JADE3: variants seen among roughly 807,000 people sequenced by gnomAD.
JADE3 encodes the protein jade family PHD finger 3.
JADE3 carries 2 observed loss-of-function variants against 50.1 expected under a neutral mutation model. The observed-to-expected ratio is 0.04, with a 90% CI of 0.02 to 0.13. The LOEUF (loss-of-function observed/expected upper bound fraction) is 0.13, where lower values mean the gene tolerates loss of function less well. JADE3 is among the 10% of genes least tolerant of loss of function. JADE3 has a pLI of 1.00. For synonymous variants in JADE3, 218 were observed against 232.9 expected (o/e 0.94, Z 0.58); for missense variants, 475 against 634.4 (o/e 0.75, Z 2.70).
At chrX:47,022,484 C>T (rs1928817719) in intron 4 of JADE3, among the ~76,000 whole-genome samples, 1 of 111,684 alleles carries the variant, frequency 9.0e-6, no homozygotes. Flanking sequence ...TGGAAGAATG[C>T]TTATTAGGAG....
intron 1 of JADE3, among the ~76,000 whole-genome samples, chrX:46,918,289 G>T (rs1183238670): frequency 8.9e-6 from 1 of 111,912 alleles, no homozygotes; most frequent in African/African-American, 3.3e-5. Flanking sequence ...TGGAACTATC[G>T]AGTATAAGAC....
chrX:46,948,596 A>G (rs188302256), intron 1 of JADE3, among the ~76,000 whole-genome samples: 49 of 112,505 alleles, frequency 4.4e-4, no homozygotes, highest in Admixed American at 2.9e-3. Flanking sequence ...GGATAAAGAT[A>G]GTGTCAAAGA....
chrX:46,965,447 A>C (rs1465345121), intron 1 of JADE3, among the ~76,000 whole-genome samples: 2 of 111,612 alleles, frequency 1.8e-5, no homozygotes, highest in African/African-American at 6.5e-5. Context: ...ACCTGGTAGG[A>C]ACTCATTCTC....
intron 1 of JADE3, among the ~76,000 whole-genome samples, chrX:46,950,098 A>G (rs1010467526): frequency 9.8e-5 from 11 of 112,349 alleles, no homozygotes; most frequent in South Asian, 3.7e-4. Flanking sequence ...AAGTTTACAT[A>G]CTGTATAGTT....
intron 1 of JADE3, among the ~76,000 whole-genome samples, chrX:46,923,858 G>A (rs1386663097): frequency 9.0e-6 from 1 of 111,667 alleles, no homozygotes; most frequent in Non-Finnish European, 1.9e-5. Context: ...CATGGAGCTG[G>A]TTTGCCAGGT....
At chrX:46,981,377 A>G (rs1254666027) in intron 1 of JADE3, among the ~76,000 whole-genome samples, 1 of 112,373 alleles carries the variant, frequency 8.9e-6, no homozygotes, top group Non-Finnish European at 1.9e-5. Flanking sequence ...CTCTAAGTAG[A>G]TCTGTGCATT....
chrX:47,052,633 CAAAAA>C (rs1195947563), intron 8 of JADE3, among the ~76,000 whole-genome samples: 1 of 18,926 alleles, frequency 5.3e-5, no homozygotes, highest in Non-Finnish European at 1.2e-4. Flanking sequence ...GACTCTGTCT[CAAAAA>C]AAAAAAAAAA....
chrX:46,920,773 A>G (rs147431674), intron 1 of JADE3, among the ~76,000 whole-genome samples: 126 of 112,241 alleles, frequency 1.1e-3, no homozygotes, highest in African/African-American at 3.4e-3. Flanking sequence ...TCAGTTGACT[A>G]TCCTTCTGTG....
intron 1 of JADE3, among the ~76,000 whole-genome samples, chrX:46,973,192 A>G (rs1927537842): frequency 8.9e-6 from 1 of 112,455 alleles, no homozygotes. Flanking sequence ...GTTCCTGGTG[A>G]CAGAGATAAT....
chrX:47,049,467 T>C (rs1159233050), intron 8 of JADE3, among the ~76,000 whole-genome samples: 7 of 99,721 alleles, frequency 7.0e-5, no homozygotes, highest in African/African-American at 2.6e-4. Context: ...CGCCCAACCC[T>C]TTTTTTTTTT....
At chrX:47,028,662 G>A (rs1253061217) in intron 6 of JADE3, among the ~76,000 whole-genome samples, 2 of 111,471 alleles carry the variant, frequency 1.8e-5, no homozygotes, top group Non-Finnish European at 3.8e-5. Flanking sequence ...GAGAGGTGAA[G>A]TGACTTTACC....
At chrX:46,925,387 T>C (rs782702394) in intron 1 of JADE3, among the ~76,000 whole-genome samples, 2 of 112,832 alleles carry the variant, frequency 1.8e-5, no homozygotes, top group African/African-American at 6.4e-5. Flanking sequence ...ATGACTATTA[T>C]CATTCAGTGG....
chrX:47,053,352 G>A (rs1207952466), intron 8 of JADE3, among the ~76,000 whole-genome samples: 12 of 109,966 alleles, frequency 1.1e-4, no homozygotes, highest in African/African-American at 3.3e-4. Flanking sequence ...TGGACCTCCC[G>A]GGTTCAGGCA....
intron 1 of JADE3, among the ~76,000 whole-genome samples, chrX:46,937,122 G>A (rs1282628459): frequency 9.0e-6 from 1 of 111,189 alleles, no homozygotes; most frequent in Non-Finnish European, 1.9e-5. Flanking sequence ...CACAAAATGG[G>A]TTATATTTTT....
chrX:47,009,287 A>G (rs1928504894), intron 4 of JADE3, among the ~76,000 whole-genome samples: 1 of 111,242 alleles, frequency 9.0e-6, no homozygotes, highest in Admixed American at 9.5e-5. Context: ...GGCTGCAGAG[A>G]GTACCACTAC....
At chrX:47,040,182 T>C (rs1348589365) in intron 8 of JADE3, among the ~76,000 whole-genome samples, 1 of 111,987 alleles carries the variant, frequency 8.9e-6, no homozygotes, top group Non-Finnish European at 1.9e-5. Context: ...ACATGTGAAC[T>C]GCAAGCTGGT....
In JADE3 at chrX:46,985,708, C is replaced by T. The variant is rs188931060; in HGVS notation, c.47-5C>T. On this transcript the variant is annotated splice_region_variant and splice_polypyrimidine_tract_variant and intron_variant, in intron 2 of 10. Coordinates refer to ENST00000614628, the MANE Select transcript of JADE3 (RefSeq NM_014735.5). ...TCAGTATTTTTTTCTAATTATCTTTCACAGGTCCTTCCACTTCCTTTACTT... is the reference window on the plus strand; with the variant it reads ...TCAGTATTTTTTTCTAATTATCTTTTACAGGTCCTTCCACTTCCTTTACTT... 2.1e-3 allele frequency: 2,489 copies of T among 1,163,344 alleles called. 23 individuals are homozygous for T. The South Asian group carries it at 0.026, about 12-fold the overall frequency.
chrX:46,937,847 G>A (rs1427154715), intron 1 of JADE3, among the ~76,000 whole-genome samples: 5 of 111,205 alleles, frequency 4.5e-5, no homozygotes, highest in Non-Finnish European at 7.5e-5. Context: ...CGGGCATGGT[G>A]GTGGGCGCCT....
In JADE3 at chrX:47,054,479, A is replaced by G; in HGVS notation, c.1294A>G (p.Asn432Asp). The G allele has an allele frequency of 8.3e-7, 1 of 1,210,504 alleles. No homozygotes were observed. The highest frequency in any genetic ancestry group is 1.1e-6 in the Non-Finnish European group (1 of 894,425). ...MPTLAVDFIY[N>D]YWKLKRKSNF... ...CACGCTAGCTGTGGACTTTATCTAT[A>G]ACTACTGGAAACTGAAGCGGAAAAG... Residue 432 changes from asparagine to aspartate, a missense_variant, in exon 9 of 11, where the codon AAC becomes GAC. By Grantham distance (23) the Asn-to-Asp change is conservative. This residue lies in a region of JADE3 where 81 missense variants were observed against 123.8 expected (regional missense o/e 0.65). Transcript: ENST00000614628.
Sources: allele counts gnomAD v4.1 joint callset (sites outside exome capture counted in the v4.1 genomes callset), GRCh38; gene constraint gnomAD v4.1.1; regional missense constraint gnomAD v4.1.1; transcripts MANE v1.5; gene names NCBI Gene and HGNC (gene_info 2026-07-23, HGNC 2026-07-21).